Variants in LRFN2 observed in about 807,000 individuals in gnomAD.
The protein encoded by LRFN2 is leucine-rich repeat and fibronectin type-III domain-containing protein 2.
Under a neutral mutation model 37.3 loss-of-function variants are expected in LRFN2, and 18 were observed. That is an observed-to-expected ratio of 0.48 (90% confidence interval 0.33 to 0.72). The LOEUF is 0.72. LRFN2 is among the 30% of genes least tolerant of loss of function. LRFN2 has a pLI of 0.02. For synonymous variants in LRFN2, 556 were observed against 466.6 expected (o/e 1.19, Z -2.47); for missense variants, 1,006 against 1,060.7 (o/e 0.95, Z 0.72).
intron 1 of LRFN2, among the ~76,000 whole-genome samples, chr6:40,504,501 T>C (rs1233513037): frequency 6.6e-6 from 1 of 152,212 alleles, no homozygotes; most frequent in East Asian, 1.9e-4. Flanking sequence ...ATCAGGATGG[T>C]CATGACTCAT....
At chr6:40,567,527 T>C (rs752146077) in intron 1 of LRFN2, among the ~76,000 whole-genome samples, 4 of 152,176 alleles carry the variant, frequency 2.6e-5, no homozygotes, top group Non-Finnish European at 4.4e-5. Context: ...GATCCTTGAC[T>C]TCCTCTCTGT....
At chr6:40,578,577 T>A (rs1398728614) in intron 1 of LRFN2, among the ~76,000 whole-genome samples, 1 of 152,218 alleles carries the variant, frequency 6.6e-6, no homozygotes, top group Non-Finnish European at 1.5e-5. Flanking sequence ...ACTTAAGAGA[T>A]GGTTGTTAGA....
intron 1 of LRFN2, among the ~76,000 whole-genome samples, chr6:40,559,075 A>G (rs2113928327): frequency 6.6e-6 from 1 of 151,770 alleles, no homozygotes; most frequent in South Asian, 2.1e-4. Context: ...GGGGAAGAGC[A>G]TATGTTGGGG....
chr6:40,429,655 T>C (rs924098951), intron 2 of LRFN2, among the ~76,000 whole-genome samples: 1 of 152,180 alleles, frequency 6.6e-6, no homozygotes, highest in Non-Finnish European at 1.5e-5. Context: ...AAGATTATAA[T>C]TTACCCATAA....
chr6:40,477,427 A>C (rs949535290), intron 1 of LRFN2, among the ~76,000 whole-genome samples: 1 of 152,204 alleles, frequency 6.6e-6, no homozygotes. Context: ...CTGTGGTCCC[A>C]TGAGAAAACC....
intron 1 of LRFN2, among the ~76,000 whole-genome samples, chr6:40,461,278 C>G (rs897124243): frequency 6.6e-6 from 1 of 151,974 alleles, no homozygotes; most frequent in Non-Finnish European, 1.5e-5. Flanking sequence ...GCATGGTAGT[C>G]ACACCTGCAG....
At chr6:40,559,621 A>G (rs1766955877) in intron 1 of LRFN2, among the ~76,000 whole-genome samples, 1 of 152,028 alleles carries the variant, frequency 6.6e-6, no homozygotes, top group Non-Finnish European at 1.5e-5. Flanking sequence ...AGGCCTTTTG[A>G]CACTGAGAAA....
chr6:40,562,428 G>A (rs750295018), intron 1 of LRFN2, among the ~76,000 whole-genome samples: 2 of 152,014 alleles, frequency 1.3e-5, no homozygotes, highest in Admixed American at 6.6e-5. Context: ...GAACAAGTAC[G>A]GTACAGGGGG....
At chr6:40,583,199 G>GATATATAT in intron 1 of LRFN2, among the ~76,000 whole-genome samples, 1 of 45,062 alleles carries the variant, frequency 2.2e-5, no homozygotes, top group African/African-American at 1.3e-4. Flanking sequence ...TGTATATATA[G>GATATATAT]ACATATATAT....
intron 1 of LRFN2, among the ~76,000 whole-genome samples, chr6:40,477,388 C>A (rs1402981679): frequency 6.6e-6 from 1 of 152,148 alleles, no homozygotes; most frequent in Non-Finnish European, 1.5e-5. Flanking sequence ...CACCTGGCTG[C>A]CTGCTTTCAA....
At chr6:40,435,036 TATATATATATATATATAG>T (rs1162272105) in intron 1 of LRFN2, among the ~76,000 whole-genome samples, 24 of 92,996 alleles carry the variant, frequency 2.6e-4, no homozygotes, top group African/African-American at 9.4e-4. Context: ...TATATATATA[TATATATATATATATATAG>T]AGAGAGAGAG....
rs1561853276 is a variant in LRFN2 at position 40,433,106 on chromosome 6, G to A, written c.8C>T (p.Thr3Ile). Residue 3 changes from threonine to isoleucine, a missense_variant, in exon 2 of 3, where the codon ACC becomes ATC. Around this residue, in one of 4 missense-constraint regions of LRFN2, gnomAD observed 185 missense variants for 254.9 expected, o/e 0.73. Transcript: ENST00000338305. ...AAACGCTAGCAGGCCACCAAGCAGGGTCTCCATGGTCTGGTCACTCAGCGC... is the reference window on the plus strand; with the variant it reads ...AAACGCTAGCAGGCCACCAAGCAGGATCTCCATGGTCTGGTCACTCAGCGC... METLLGGLLAFGM... is the reference protein window; with the variant it reads MEILLGGLLAFGM... 1.3e-6 allele frequency: 2 copies of A among 1,520,308 alleles called. No homozygotes were observed. The highest frequency in any genetic ancestry group is 8.8e-7 in the Non-Finnish European group (1 of 1,135,854). 94.2% of individuals were successfully genotyped at this position (1,520,308 alleles called of 1,614,324 possible).
intron 1 of LRFN2, among the ~76,000 whole-genome samples, chr6:40,565,421 T>C (rs1157376331): frequency 6.6e-6 from 1 of 152,072 alleles, no homozygotes; most frequent in Non-Finnish European, 1.5e-5. Context: ...GAGCCTGCAT[T>C]GCCAAGTCAA....
intron 2 of LRFN2, among the ~76,000 whole-genome samples, chr6:40,412,056 C>T (rs901933593): frequency 1.3e-5 from 2 of 152,098 alleles, no homozygotes; most frequent in Non-Finnish European, 2.9e-5. Context: ...TGGACAGGCT[C>T]AATGGTCGGA....
At chr6:40,417,844 C>T (rs976549053) in intron 2 of LRFN2, among the ~76,000 whole-genome samples, 2 of 152,194 alleles carry the variant, frequency 1.3e-5, no homozygotes, top group African/African-American at 2.4e-5. Context: ...GGGTCCTTCT[C>T]CCATTTTATG....
chr6:40,577,469 C>T (rs1275840168), intron 1 of LRFN2, among the ~76,000 whole-genome samples: 1 of 152,000 alleles, frequency 6.6e-6, no homozygotes, highest in Admixed American at 6.6e-5. Flanking sequence ...CAGGAGGGTA[C>T]ATGTGCACAT....
At position 40,391,675 on chromosome 6, in the gene LRFN2, G is replaced by A. The variant is rs192075581; in HGVS notation, c.*268C>T. The stretch of plus-strand genomic sequence containing the variant: ...CCGCTTGCTTGTAGGCTACATTTGT[G>A]ATTAGAAAGGCGGAGTCTCGCCTTT... On this transcript the variant is annotated 3_prime_UTR_variant, in exon 3 of 3. Transcript: ENST00000338305. 1.1e-4 allele frequency: 39 copies of A among 367,604 alleles called. No homozygotes were observed. The highest frequency in any genetic ancestry group is 1.0e-3 in the Admixed American group (23 of 22,458). The allele number at this position is 367,604 out of a possible 1,614,324, so 22.8% of individuals were successfully genotyped here.
At chr6:40,556,879 C>T (rs1031885956) in intron 1 of LRFN2, among the ~76,000 whole-genome samples, 1 of 152,142 alleles carries the variant, frequency 6.6e-6, no homozygotes, top group Non-Finnish European at 1.5e-5. Flanking sequence ...GCCACCAATG[C>T]TTTCATCTAC....
intron 2 of LRFN2, among the ~76,000 whole-genome samples, chr6:40,416,741 G>T (rs75107942): frequency 0.14 from 21,422 of 152,056 alleles, 1,703 homozygotes; most frequent in African/African-American, 0.21. Context: ...TCCTTCTCCT[G>T]CTAGGGCATC....
Sources: gnomAD v4.1 joint callset for allele counts (sites outside exome capture counted in the v4.1 genomes callset) on GRCh38, gnomAD v4.1.1 for gene constraint, gnomAD v4.1.1 regional missense constraint, MANE v1.5 for transcripts, NCBI Gene and HGNC (gene_info 2026-07-23, HGNC 2026-07-21) for gene names.